Variants in PGM2L1 observed in about 807,000 individuals in gnomAD.
PGM2L1 encodes the protein phosphoglucomutase 2 like 1.
In PGM2L1, 35 loss-of-function variants were observed where a neutral mutation model predicts 73.4. The ratio of observed to expected loss-of-function variants is 0.48; its 90% CI spans 0.36 to 0.63. The LOEUF (loss-of-function observed/expected upper bound fraction) is 0.63. Among genes scored for constraint, PGM2L1 ranks in the 30% least tolerant of loss-of-function variants. PGM2L1 has a pLI of 0.00. For missense variants in PGM2L1, 570 were observed against 742.0 expected (o/e 0.77, Z 2.69); for synonymous variants, 225 against 253.8 (o/e 0.89, Z 1.08).
In PGM2L1 at chr11:74,345,394, G is replaced by A. The variant is rs1862246138; in HGVS notation, c.1218+75C>T. The A allele has an allele frequency of 1.1e-5, 14 of 1,231,688 alleles. No individual in the cohort carries two copies. In the South Asian group the frequency reaches 2.0e-4, roughly 17 times the overall value. The allele number at this position is 1,231,688 out of a possible 1,614,324, so 76.3% of individuals were successfully genotyped here. A position where few individuals can be genotyped will look rare whatever the true frequency, so the allele number is the denominator to read the frequency against. ...TTACAAATGAAATCAATGAAAGTCAGTCTTGGTGGGGAGATGTCTTTAACA... is the reference window on the plus strand; with the variant it reads ...TTACAAATGAAATCAATGAAAGTCAATCTTGGTGGGGAGATGTCTTTAACA... On this transcript the variant is annotated intron_variant, in intron 9 of 13. Transcript: ENST00000298198.
chr11:74,397,993 G>T (rs1464079544), intron 1 of PGM2L1, 58 bp downstream of exon 1: 1 of 1,514,722 alleles, frequency 6.6e-7, no homozygotes, highest in Non-Finnish European at 8.9e-7. Context: ...GTGGGCACAG[G>T]AAAGAGCAGA....
chr11:74,393,033 TAA>T (rs1438332457), intron 1 of PGM2L1, among the ~76,000 whole-genome samples: 1 of 152,230 alleles, frequency 6.6e-6, no homozygotes, highest in Admixed American at 6.5e-5. Flanking sequence ...TTTATGAGCT[TAA>T]GTTTCTTTAC....
intron 9 of PGM2L1, among the ~76,000 whole-genome samples, chr11:74,345,031 T>G (rs1363794886): frequency 6.6e-6 from 1 of 152,172 alleles, no homozygotes; most frequent in East Asian, 1.9e-4. Flanking sequence ...CACTGCTTGT[T>G]TTTTTGGATG....
chr11:74,363,937 CT>C (rs1432007151), intron 5 of PGM2L1, among the ~76,000 whole-genome samples: 2 of 152,276 alleles, frequency 1.3e-5, no homozygotes, highest in East Asian at 3.9e-4. Flanking sequence ...ACAAATATTC[CT>C]GATAAACATC....
chr11:74,358,576 T>A lies in PGM2L1; in HGVS notation c.556-7000A>T, dbSNP rs115720245. On this transcript the variant is annotated intron_variant, in intron 5 of 13. Coordinates refer to ENST00000298198, the MANE Select transcript of PGM2L1 (RefSeq NM_173582.6). ...ATAGGGAATGCAAACTTTCTTTGCA[T>A]ATTCCCTTTGATCCAGAAGTTTCAC... 5.5e-3 allele frequency among the ~76,000 whole-genome samples: 838 copies of A among 152,314 alleles called. 10 individuals are homozygous for A. Among genetic ancestry groups the A allele is most frequent in the African/African-American group, 0.017 (706 of 41,574 alleles).
chr11:74,339,414 G>C (rs564846687), intron 12 of PGM2L1, among the ~76,000 whole-genome samples: 1 of 152,252 alleles, frequency 6.6e-6, no homozygotes, highest in South Asian at 2.1e-4. Context: ...GGTTGTACTA[G>C]GCCAGAGGGG....
At chr11:74,376,803 A>G (rs1862861269) in intron 1 of PGM2L1, among the ~76,000 whole-genome samples, 1 of 152,224 alleles carries the variant, frequency 6.6e-6, no homozygotes, top group South Asian at 2.1e-4. Flanking sequence ...GAGAAAAATA[A>G]AAATGAATAA....
intron 6 of PGM2L1, among the ~76,000 whole-genome samples, chr11:74,350,897 A>AAGAGAGAG (rs35421915): frequency 6.8e-6 from 1 of 146,334 alleles, no homozygotes; most frequent in Middle Eastern, 3.2e-3. Context: ...GAAAGAAAGA[A>AAGAGAGAG]AGAGAGAGAG....
intron 7 of PGM2L1, 52 bp from the exon 8 acceptor site, chr11:74,346,881 G>A (rs778977491): frequency 2.4e-5 from 33 of 1,369,260 alleles, no homozygotes; most frequent in Non-Finnish European, 3.2e-5. Flanking sequence ...TAAGTTCAAT[G>A]TTAACGTTCC....
intron 1 of PGM2L1, among the ~76,000 whole-genome samples, chr11:74,389,036 T>C (rs995999497): frequency 5.9e-5 from 9 of 152,306 alleles, no homozygotes; most frequent in African/African-American, 1.4e-4. Context: ...GACAAGCCAA[T>C]TGTGCTGTCT....
chr11:74,384,721 A>G (rs1013866212), intron 1 of PGM2L1, among the ~76,000 whole-genome samples: 1 of 152,108 alleles, frequency 6.6e-6, no homozygotes, highest in African/African-American at 2.4e-5. Context: ...AGCACTAGCA[A>G]TCTAGGTTCA....
At chr11:74,365,410 C>G (rs964002684) in intron 5 of PGM2L1, among the ~76,000 whole-genome samples, 2 of 151,526 alleles carry the variant, frequency 1.3e-5, no homozygotes, top group African/African-American at 4.8e-5. Context: ...AAATAAACTA[C>G]CATCAGAGTG....
intron 1 of PGM2L1, among the ~76,000 whole-genome samples, chr11:74,390,908 T>C (rs1028298214): frequency 1.3e-5 from 2 of 152,152 alleles, no homozygotes; most frequent in Non-Finnish European, 2.9e-5. Flanking sequence ...TTAGTCAAAT[T>C]CATAGAAACA....
At chr11:74,362,148 G>C (rs902426746) in intron 5 of PGM2L1, among the ~76,000 whole-genome samples, 3 of 152,172 alleles carry the variant, frequency 2.0e-5, no homozygotes, top group African/African-American at 7.2e-5. Flanking sequence ...CAGCCAGAGA[G>C]AAAAGTTGGG....
intron 8 of PGM2L1, 137 bp from the exon 9 acceptor site, chr11:74,345,786 T>A (rs1862252118): frequency 1.3e-6 from 1 of 744,908 alleles, no homozygotes. Flanking sequence ...AAACATTTAT[T>A]ACTACTTCTT....
At chr11:74,354,996 GA>G in intron 5 of PGM2L1, 1 of 1,214,442 alleles carries the variant, frequency 8.2e-7, no homozygotes, top group Non-Finnish European at 1.2e-6. Flanking sequence ...GTCAAAGCAA[GA>G]AGAGATGGCT....
chr11:74,338,478 G>A lies in PGM2L1; in HGVS notation c.1756C>T (p.Pro586Ser). 1 of 1,574,196 alleles carries A rather than the reference G, an allele frequency of 6.4e-7. No individual in the cohort carries two copies. Residue 586 changes from proline to serine, a missense_variant, in exon 13 of 14, where the codon CCT (proline) becomes TCT (serine). By Grantham distance (74) the Pro-to-Ser change is moderately conservative (BLOSUM62 -1). Transcript: ENST00000298198. ...IKYYAEMCAS[P>S]DQSDTALLEE... Reference sequence around the variant, plus strand: ...AAAATCAATTCTTACCTCTGGTCAGGTGACGCACACATCTCTGCATAATAC... The same window carrying A: ...AAAATCAATTCTTACCTCTGGTCAGATGACGCACACATCTCTGCATAATAC...
At chr11:74,369,703 A>G (rs1043288648) in intron 4 of PGM2L1, among the ~76,000 whole-genome samples, 2 of 152,250 alleles carry the variant, frequency 1.3e-5, no homozygotes, top group Non-Finnish European at 2.9e-5. Flanking sequence ...TAAATAAATT[A>G]TAACCACAAG....
intron 1 of PGM2L1, among the ~76,000 whole-genome samples, chr11:74,376,710 A>C (rs2134936876): frequency 6.6e-6 from 1 of 152,262 alleles, no homozygotes. Flanking sequence ...CTACTAGAGT[A>C]GGGCCTAAAA....
Sources: gnomAD v4.1 joint callset for allele counts (sites outside exome capture counted in the v4.1 genomes callset) on GRCh38, gnomAD v4.1.1 for gene constraint, MANE v1.5 for transcripts, NCBI Gene and HGNC (gene_info 2026-07-23, HGNC 2026-07-21) for gene names.